Variants in FGF14 observed in about 807,000 individuals in gnomAD.
FGF14 encodes the protein fibroblast growth factor 14, also known as fibroblast growth factor homologous factor 4.
FGF14 carries 5 observed loss-of-function variants against 25.5 expected under a neutral mutation model. That is an observed-to-expected ratio of 0.20 (90% CI 0.10 to 0.41). The LOEUF (loss-of-function observed/expected upper bound fraction) is 0.41, where lower values mean the gene tolerates loss of function less well. FGF14 is among the 10% of genes least tolerant of loss of function. The pLI is 1.00. For missense variants in FGF14, 222 were observed against 320.1 expected (o/e 0.69, Z 2.34); for synonymous variants, 138 against 118.3 (o/e 1.17, Z -1.08).
chr13:102,015,546 T>C (rs1235985265), intron 1 of FGF14, among the ~76,000 whole-genome samples: 2 of 152,164 alleles, frequency 1.3e-5, no homozygotes, highest in Non-Finnish European at 2.9e-5. Flanking sequence ...TTCAAGAAAA[T>C]TCATGGTAGG....
intron 1 of FGF14, among the ~76,000 whole-genome samples, chr13:102,020,907 C>A (rs771549486): frequency 2.1e-5 from 3 of 143,010 alleles, no homozygotes; most frequent in Non-Finnish European, 4.5e-5. Flanking sequence ...AATAAGATGT[C>A]GATGAACACA....
chr13:102,181,393 T>A (rs937596201), intron 1 of FGF14, among the ~76,000 whole-genome samples: 2 of 152,120 alleles, frequency 1.3e-5, no homozygotes, highest in Non-Finnish European at 2.9e-5. Flanking sequence ...TACAAAGATA[T>A]ATTGAAGTCC....
chr13:101,715,767 G>A lies in FGF14; in HGVS notation c.*7064C>T. The A allele has an allele frequency of 3.3e-6, 2 of 608,820 alleles. No homozygotes were observed. Among genetic ancestry groups the A allele is most frequent in the Admixed American group, 2.7e-5 (1 of 37,330 alleles). 37.7% of individuals were successfully genotyped at this position (608,820 alleles called of 1,614,324 possible). A position where few individuals can be genotyped will look rare whatever the true frequency, so the allele number is the denominator to read the frequency against. ...GGACAGGTTAAAAAGACCATTGTAT[G>A]TTTTTCTATTTCTGAATTACGAATG... On this transcript the variant is annotated 3_prime_UTR_variant, in exon 5 of 5. Transcript: ENST00000376143.
At chr13:101,975,953 G>A (rs534653371) in intron 1 of FGF14, among the ~76,000 whole-genome samples, 1 of 152,280 alleles carries the variant, frequency 6.6e-6, no homozygotes, top group African/African-American at 2.4e-5. Context: ...ACCAACCACG[G>A]CCTGGTTCTG....
At chr13:101,791,724 C>T (rs2040245732) in intron 3 of FGF14, among the ~76,000 whole-genome samples, 1 of 152,110 alleles carries the variant, frequency 6.6e-6, no homozygotes, top group Non-Finnish European at 1.5e-5. Flanking sequence ...TTAATTTTAA[C>T]TCTTCTGACC....
At chr13:102,271,290 G>A (rs1012647183) in intron 1 of FGF14, among the ~76,000 whole-genome samples, 17 of 152,016 alleles carry the variant, frequency 1.1e-4, no homozygotes, top group African/African-American at 3.9e-4. Flanking sequence ...TCCCCAGCAC[G>A]CCTTCCTGCA....
chr13:101,870,869 C>T (rs1358676210), intron 2 of FGF14, among the ~76,000 whole-genome samples: 1 of 152,064 alleles, frequency 6.6e-6, no homozygotes, highest in East Asian at 1.9e-4. Flanking sequence ...AGGAGAATTG[C>T]TTGAACCTGG....
intron 3 of FGF14, among the ~76,000 whole-genome samples, chr13:101,785,505 T>A (rs1297307303): frequency 1.3e-5 from 2 of 151,980 alleles, no homozygotes; most frequent in African/African-American, 4.8e-5. Flanking sequence ...GTATGTAGGG[T>A]TTGCAGCTGT....
In FGF14 at chr13:102,076,345, G is replaced by A. The variant is rs553319891; in HGVS notation, c.209-201049C>T. On this transcript the variant is annotated intron_variant, in intron 1 of 4. Transcript: ENST00000376131. ...AATCACTTAACACTGTGTTACAATT[G>A]CCCACAGTATTCAGTACAGGCATAT... is the stretch of plus-strand genomic sequence containing the variant. Among the ~76,000 whole-genome samples, 3 of 152,212 alleles carry A rather than the reference G, an allele frequency of 2.0e-5. No individual in the cohort carries two copies. In the East Asian group the frequency reaches 5.8e-4, roughly 29 times the overall value.
At chr13:102,358,735 T>C (rs759076722) in intron 1 of FGF14, among the ~76,000 whole-genome samples, 6 of 152,188 alleles carry the variant, frequency 3.9e-5, no homozygotes, top group African/African-American at 7.2e-5. Flanking sequence ...GGTTGCAGAT[T>C]ATAAAATTTT....
At position 101,719,857 on chromosome 13, in the gene FGF14, T is replaced by C. The variant is rs1036407907; in HGVS notation, c.*2974A>G. On this transcript the variant is annotated 3_prime_UTR_variant, in exon 5 of 5. Coordinates refer to ENST00000376143, the MANE Select transcript of FGF14 (RefSeq NM_004115.4). ...ACTTCTTACTTAATAACAGCAAACT[T>C]AATTTCTGAGGGGAAAAAAATGGCG... 1.4e-5 allele frequency: 2 copies of C among 146,950 alleles called. No homozygotes were observed. The highest frequency in any genetic ancestry group is 3.1e-5 in the Non-Finnish European group (2 of 65,558). The allele number at this position is 146,950 out of a possible 1,614,324, so 9.1% of individuals were successfully genotyped here. A position where few individuals can be genotyped will look rare whatever the true frequency, so the allele number is the denominator to read the frequency against.
chr13:102,027,851 T>C (rs769358281), intron 1 of FGF14, among the ~76,000 whole-genome samples: 31 of 152,024 alleles, frequency 2.0e-4, no homozygotes, highest in Non-Finnish European at 4.0e-4. Context: ...GGTGTTTCCA[T>C]AGCAACGTCT....
At chr13:102,363,740 T>C (rs769617506) in intron 1 of FGF14, among the ~76,000 whole-genome samples, 3 of 152,236 alleles carry the variant, frequency 2.0e-5, no homozygotes, top group Admixed American at 6.5e-5. Context: ...GGGAGCTCTT[T>C]ATTTGTCCTG....
rs147008277 is a variant in FGF14, at chr13:101,861,840, G to A, written c.408+6885C>T. ...ATTCAAGTTTTCAGTATCCTCATTC[G>A]GATAACTGCGGTAGATTTTAGACAC... On this transcript the variant is annotated intron_variant, in intron 3 of 4. Transcript: ENST00000376143. Among the ~76,000 whole-genome samples, 68 of 152,146 alleles carry A rather than the reference G, an allele frequency of 4.5e-4. 1 individual carries two copies. Among genetic ancestry groups the A allele is most frequent in the East Asian group, 3.1e-3 (16 of 5,162 alleles).
At position 101,847,486 on chromosome 13, in the gene FGF14, A is replaced by G. The variant is rs73563203; in HGVS notation, c.408+21239T>C. On this transcript the variant is annotated intron_variant, in intron 3 of 4. Transcript: ENST00000376143. ...GACAGTAAACTAGTGAATGTTAAAT[A>G]TAAGACAACTGCATCTTTCTTTTTG... 1.7e-3 allele frequency among the ~76,000 whole-genome samples: 253 copies of G among 152,232 alleles called. 2 individuals are homozygous for G. Among genetic ancestry groups the G allele is most frequent in the African/African-American group, 5.6e-3 (234 of 41,564 alleles).
chr13:101,848,281 A>G (rs1030583478), intron 3 of FGF14, among the ~76,000 whole-genome samples: 3 of 151,984 alleles, frequency 2.0e-5, no homozygotes, highest in African/African-American at 7.2e-5. Flanking sequence ...AGAGACCCAA[A>G]GGTTGAACAA....
At chr13:101,736,785 G>C in intron 3 of FGF14, among the ~76,000 whole-genome samples, 1 of 151,830 alleles carries the variant, frequency 6.6e-6, no homozygotes, top group Non-Finnish European at 1.5e-5. Flanking sequence ...TGAATATCTT[G>C]ATGAGAGTTT....
At chr13:102,040,670 G>A (rs1456030939) in intron 1 of FGF14, among the ~76,000 whole-genome samples, 4 of 152,260 alleles carry the variant, frequency 2.6e-5, no homozygotes, top group Non-Finnish European at 2.9e-5. Flanking sequence ...TTCTGCTTCC[G>A]TGTGTTAAAG....
chr13:101,943,998 CAAAAAAAAAAA>C (rs58695952), intron 1 of FGF14, among the ~76,000 whole-genome samples: 1 of 85,370 alleles, frequency 1.2e-5, no homozygotes, highest in Non-Finnish European at 2.9e-5. Flanking sequence ...AACTCCGTCT[CAAAAAAAAAAA>C]AAAAACAAAA....
Sources: gnomAD v4.1 joint callset for allele counts (sites outside exome capture counted in the v4.1 genomes callset) on GRCh38, gnomAD v4.1.1 for gene constraint, MANE v1.5 for transcripts, NCBI Gene and HGNC (gene_info 2026-07-23, HGNC 2026-07-21) for gene names.